TERB1: variants seen among roughly 807,000 people sequenced by gnomAD.
The protein encoded by TERB1 is telomere repeat binding bouquet formation protein 1.
In TERB1, 63 loss-of-function variants were observed where a neutral mutation model predicts 92.3. The ratio of observed to expected loss-of-function variants is 0.68; its 90% CI spans 0.56 to 0.84. TERB1 has a LOEUF of 0.84. TERB1 is among the 40% of genes least tolerant of loss of function. TERB1 has a pLI of 0.00. For synonymous variants in TERB1, 252 were observed against 283.9 expected, an observed-to-expected ratio of 0.89 and a Z score of 1.13; for missense variants, 709 against 843.7, an observed-to-expected ratio of 0.84 and a Z score of 1.98.
At chr16:66,779,227 A>G (rs1390451848) in intron 9 of TERB1, among the ~76,000 whole-genome samples, 1 of 152,230 alleles carries the variant, frequency 6.6e-6, no homozygotes, top group Non-Finnish European at 1.5e-5. Context: ...GTAAAACTAC[A>G]GTATTTCTTG....
At chr16:66,801,324 C>CT (rs1959286747) in intron 1 of TERB1, 144 bp downstream of exon 1, 1 of 152,352 alleles carries the variant, frequency 6.6e-6, no homozygotes, top group Non-Finnish European at 1.5e-5. Context: ...CCGCCAAGGG[C>CT]TGTGGGGACT....
rs1356296528 is a variant in TERB1, at chr16:66,796,837, G to A, written c.-32-7C>T. On this transcript the variant is annotated splice_polypyrimidine_tract_variant and splice_region_variant and intron_variant, in intron 2 of 18. Transcript: ENST00000433154. ...CTTTTTCCTTATATTTTGTCTATAA[G>A]ATAAAGGTATTTTCTCAATTTAAAT... is the stretch of plus-strand genomic sequence containing the variant. 2 of 1,362,866 alleles carry A rather than the reference G, an allele frequency of 1.5e-6. No homozygotes were observed. Among genetic ancestry groups the A allele is most frequent in the African/African-American group, 2.9e-5 (2 of 68,918 alleles). The allele number at this position is 1,362,866 out of a possible 1,614,324, so 84.4% of individuals were successfully genotyped here.
intron 2 of TERB1, among the ~76,000 whole-genome samples, chr16:66,797,385 G>A (rs1959202665): frequency 6.6e-6 from 1 of 151,766 alleles, no homozygotes; most frequent in Non-Finnish European, 1.5e-5. Context: ...ACAGGCACAT[G>A]CCACCATACT....
intron 16 of TERB1, among the ~76,000 whole-genome samples, chr16:66,762,943 A>G (rs1045193208): frequency 2.0e-5 from 3 of 152,032 alleles, no homozygotes; most frequent in Non-Finnish European, 4.4e-5. Context: ...TCAGCCTCCC[A>G]AAGTGCTGAG....
At chr16:66,767,882 C>T (rs533130306) in intron 15 of TERB1, among the ~76,000 whole-genome samples, 3 of 152,156 alleles carry the variant, frequency 2.0e-5, no homozygotes, top group South Asian at 2.1e-4. Context: ...TGCCCACCAC[C>T]GCACCTGGCT....
chr16:66,777,216 G>A lies in TERB1; in HGVS notation c.972C>T (p.Cys324=), dbSNP rs1008202460. The A allele has an allele frequency of 1.9e-6, 3 of 1,549,820 alleles. No individual in the cohort carries two copies. Among genetic ancestry groups the A allele is most frequent in the Non-Finnish European group, 2.6e-6 (3 of 1,146,108 alleles). ...KFSIMLTLGH[C]TEDCEENQYD... ...TCCAATACTTACCACAATCCTCTGT[G>A]CAATGACCAAGAGTAAGCATGATGC... The change falls in exon 11 of 19, where the codon TGC becomes TGT. Residue 324 remains cysteine, a synonymous_variant. Transcript: ENST00000433154.
At chr16:66,800,807 G>C (rs1054037594) in intron 2 of TERB1, among the ~76,000 whole-genome samples, 170 bp downstream of exon 2, 6 of 152,170 alleles carry the variant, frequency 3.9e-5, no homozygotes, top group African/African-American at 1.2e-4. Context: ...CGCACTGTGG[G>C]TACCAGAAGT....
chr16:66,790,993 AT>A lies in TERB1; in HGVS notation c.57del (p.Leu19PhefsTer5). On this transcript the variant is annotated frameshift_variant, in exon 4 of 19. Coordinates refer to ENST00000433154, the MANE Select transcript of TERB1 (RefSeq NM_001136505.2). LOFTEE classifies it high-confidence loss of function. ...TCCATTTGATACTTTAGACACTCCAATAATAAGTTCAGGTCAGTCTTCATTT... is the reference window on the plus strand; with the variant it reads ...TCCATTTGATACTTTAGACACTCCAAAATAAGTTCAGGTCAGTCTTCATTT... ...TQEMKTDLNLLLECLKYQMDN... is the reference protein window; with the variant it reads ...TQEMKTDLNLXLECLKYQMDN... The A allele has an allele frequency of 6.5e-7, 1 of 1,544,836 alleles. No individual in the cohort carries two copies. The highest frequency in any genetic ancestry group is 8.7e-7 in the Non-Finnish European group (1 of 1,143,106).
chr16:66,758,673 G>A lies in TERB1; in HGVS notation c.1996+100C>T, dbSNP rs552621511. 5.8e-5 allele frequency: 39 copies of A among 673,826 alleles called. 1 individual carries two copies. Among genetic ancestry groups the A allele is most frequent in the African/African-American group, 5.0e-4 (27 of 53,902 alleles). The allele number at this position is 673,826 out of a possible 1,614,324, so 41.7% of individuals were successfully genotyped here. On this transcript the variant is annotated intron_variant, in intron 18 of 18. Transcript: ENST00000433154. ...GGAGAATCACTTGAACCTGGGAGGCGGAGGCTGCAGTGAGCCGAGATTGCT... is the reference window on the plus strand; with the variant it reads ...GGAGAATCACTTGAACCTGGGAGGCAGAGGCTGCAGTGAGCCGAGATTGCT...
At position 66,778,862 on chromosome 16, in the gene TERB1, C is replaced by A; in HGVS notation, c.853+1G>T. ...AAAAACTAGTAAGCACTGTCACTCA[C>A]GATTATCAGCAATGCATGCATCCAC... On this transcript the variant is annotated splice_donor_variant, in intron 10 of 18. Transcript: ENST00000433154. LOFTEE classifies it high-confidence loss of function. The A allele has an allele frequency of 6.7e-7, 1 of 1,482,672 alleles. No individual in the cohort carries two copies. The highest frequency in any genetic ancestry group is 1.3e-5 in the South Asian group (1 of 75,278). The allele number at this position is 1,482,672 out of a possible 1,614,324, so 91.8% of individuals were successfully genotyped here. A position where few individuals can be genotyped will look rare whatever the true frequency, so the allele number is the denominator to read the frequency against.
intron 16 of TERB1, among the ~76,000 whole-genome samples, chr16:66,760,536 C>T (rs1352459544): frequency 8.5e-6 from 1 of 116,982 alleles, no homozygotes; most frequent in African/African-American, 3.5e-5. Flanking sequence ...GCCTGTAACC[C>T]CAGCACTTTG....
At chr16:66,799,950 T>A (rs1336169307) in intron 2 of TERB1, 1 of 152,298 alleles carries the variant, frequency 6.6e-6, no homozygotes, top group East Asian at 1.9e-4. Flanking sequence ...AGAGAACCTC[T>A]CCCACTTACA....
At chr16:66,786,393 A>C in intron 6 of TERB1, 108 bp from the exon 7 acceptor site, 1 of 749,000 alleles carries the variant, frequency 1.3e-6, no homozygotes, top group East Asian at 2.7e-5. Context: ...ACAACTTTAA[A>C]GTATTACAAA....
intron 16 of TERB1, among the ~76,000 whole-genome samples, chr16:66,765,448 ACTTT>A (rs1196671237): frequency 3.3e-4 from 50 of 151,756 alleles, no homozygotes; most frequent in South Asian, 8.3e-4. Flanking sequence ...AAATACATTT[ACTTT>A]CTTTCTTTCT....
At chr16:66,760,142 A>G (rs935550872) in intron 16 of TERB1, among the ~76,000 whole-genome samples, 3 of 119,520 alleles carry the variant, frequency 2.5e-5, no homozygotes, top group African/African-American at 7.2e-5. Context: ...AAAAAAAAAA[A>G]AAAAAAGAAA....
At chr16:66,773,801 AAT>A (rs2018494437) in intron 12 of TERB1, among the ~76,000 whole-genome samples, 1 of 152,212 alleles carries the variant, frequency 6.6e-6, no homozygotes, top group East Asian at 1.9e-4. Context: ...AAGCTCTGTG[AAT>A]ACACAGACTG....
intron 18 of TERB1, among the ~76,000 whole-genome samples, chr16:66,757,178 C>T (rs1376323033): frequency 6.6e-6 from 1 of 152,088 alleles, no homozygotes; most frequent in Non-Finnish European, 1.5e-5. Context: ...AGGTTCCTTT[C>T]TAAATTCTAA....
At chr16:66,774,238 T>G (rs2018504580) in intron 12 of TERB1, among the ~76,000 whole-genome samples, 1 of 130,594 alleles carries the variant, frequency 7.7e-6, no homozygotes, top group Non-Finnish European at 1.6e-5. Context: ...CAGGCTGGAG[T>G]GCAGTGGCGC....
intron 5 of TERB1, among the ~76,000 whole-genome samples, chr16:66,789,864 C>T (rs1597025273): frequency 6.6e-6 from 1 of 152,008 alleles, no homozygotes; most frequent in Non-Finnish European, 1.5e-5. Context: ...TGCACACTAC[C>T]ATGCCTGGCT....
Sources: gnomAD v4.1 joint callset for allele counts (sites outside exome capture counted in the v4.1 genomes callset) on GRCh38, gnomAD v4.1.1 for gene constraint, MANE v1.5 for transcripts, NCBI Gene and HGNC (gene_info 2026-07-23, HGNC 2026-07-21) for gene names.